The following PCP4 variants were observed in gnomAD, a reference collection of about 807,000 sequenced individuals.
PCP4 encodes the protein calmodulin regulator protein PCP4.
Under a neutral mutation model 10.0 loss-of-function variants are expected in PCP4, and 8 were observed. The ratio of observed to expected loss-of-function variants is 0.80; its 90% CI spans 0.47 to 1.45. The LOEUF (loss-of-function observed/expected upper bound fraction) is 1.45. PCP4 is among the 40% of genes most tolerant of loss of function. The pLI is 0.00. For missense variants in PCP4, 54 were observed against 74.4 expected, an observed-to-expected ratio of 0.73 and a Z score of 1.01; for synonymous variants, 21 against 23.0, an observed-to-expected ratio of 0.91 and a Z score of 0.24.
intron 2 of PCP4, among the ~76,000 whole-genome samples, chr21:39,921,378 G>T (rs994398749): frequency 2.0e-5 from 3 of 152,226 alleles, no homozygotes; most frequent in African/African-American, 7.2e-5. Flanking sequence ...GTGATCTTAA[G>T]CGAGGCCCTT....
At chr21:39,883,121 T>G (rs961726465) in intron 1 of PCP4, among the ~76,000 whole-genome samples, 1 of 12,692 alleles carries the variant, frequency 7.9e-5, no homozygotes, top group Non-Finnish European at 1.4e-4. Context: ...GTGGGTTGGA[T>G]GGACAAGTAT....
intron 1 of PCP4, among the ~76,000 whole-genome samples, chr21:39,894,761 A>G (rs1363860432): frequency 6.6e-6 from 1 of 152,142 alleles, no homozygotes; most frequent in African/African-American, 2.4e-5. Flanking sequence ...AACTATGACT[A>G]CTTCTGTTCA....
At chr21:39,927,322 C>CTATCATCT (rs11400298) in intron 2 of PCP4, among the ~76,000 whole-genome samples, 2 of 129,992 alleles carry the variant, frequency 1.5e-5, no homozygotes, top group South Asian at 2.6e-4. Flanking sequence ...ATCTATCTAT[C>CTATCATCT]ATCTATCTAT....
At chr21:39,871,519 C>A (rs1305454617) in intron 1 of PCP4, among the ~76,000 whole-genome samples, 1 of 152,326 alleles carries the variant, frequency 6.6e-6, no homozygotes, top group East Asian at 1.9e-4. Context: ...GTAATTATAA[C>A]CCCATTTGAG....
intron 2 of PCP4, among the ~76,000 whole-genome samples, chr21:39,927,359 A>ATCTG (rs61487230): frequency 1.6e-5 from 1 of 62,154 alleles, no homozygotes; most frequent in African/African-American, 5.4e-5. Flanking sequence ...CTATCTATCT[A>ATCTG]TCTATCTATC....
intron 2 of PCP4, among the ~76,000 whole-genome samples, chr21:39,917,688 G>A (rs2087575872): frequency 6.6e-6 from 1 of 152,144 alleles, no homozygotes. Context: ...GCTGTCCTTA[G>A]TCAAGCTGTT....
intron 2 of PCP4, among the ~76,000 whole-genome samples, chr21:39,903,822 T>C (rs1192454441): frequency 1.4e-5 from 2 of 145,876 alleles, no homozygotes; most frequent in Non-Finnish European, 3.0e-5. Flanking sequence ...GAGCCGAGAT[T>C]GTGCCACTGC....
chr21:39,922,914 C>G lies in PCP4; in HGVS notation c.62-6070C>G, dbSNP rs1376774806. The stretch of plus-strand genomic sequence containing the variant: ...CCCCCAGGCACACAGGACGTTGAAT[C>G]ATGGGACCATTTTTTTGGAGCTATA... On this transcript the variant is annotated intron_variant, in intron 2 of 2. Transcript: ENST00000328619. 2.0e-5 allele frequency among the ~76,000 whole-genome samples: 3 copies of G among 152,190 alleles called. No individual in the cohort carries two copies. The East Asian group carries it at 5.8e-4, about 29-fold the overall frequency.
At chr21:39,917,005 G>T (rs1392859979) in intron 2 of PCP4, among the ~76,000 whole-genome samples, 4 of 152,140 alleles carry the variant, frequency 2.6e-5, no homozygotes, top group Non-Finnish European at 4.4e-5. Flanking sequence ...TAGGCGATGG[G>T]TTGATCTGTG....
intron 2 of PCP4, among the ~76,000 whole-genome samples, chr21:39,904,961 C>G: frequency 6.6e-6 from 1 of 152,190 alleles, no homozygotes; most frequent in South Asian, 2.1e-4. Context: ...AAGGTTATAA[C>G]TTTCACAGAC....
intron 2 of PCP4, among the ~76,000 whole-genome samples, chr21:39,915,480 G>A (rs1189560476): frequency 6.6e-6 from 1 of 152,150 alleles, no homozygotes; most frequent in Non-Finnish European, 1.5e-5. Context: ...AAAAGAAGCT[G>A]AAACCCCAAG....
intron 1 of PCP4, among the ~76,000 whole-genome samples, chr21:39,872,301 C>T (rs1437068597): frequency 6.6e-6 from 1 of 152,094 alleles, no homozygotes; most frequent in Non-Finnish European, 1.5e-5. Context: ...ACCCAACCTG[C>T]GTTATTTTTT....
rs759553963 is a variant in PCP4 at position 39,929,239 on chromosome 21, A to G, written c.*128A>G. The G allele has an allele frequency of 2.8e-4, 219 of 789,318 alleles. 1 individual carries two copies. The highest frequency in any genetic ancestry group is 4.1e-4 in the Non-Finnish European group (208 of 504,302). The allele number at this position is 789,318 out of a possible 1,614,324, so 48.9% of individuals were successfully genotyped here. ...TCCACACACGCATAGCAAACCTCCA[A>G]TGCATGTACAGAAACCTGTGATATT... is the stretch of plus-strand genomic sequence containing the variant. On this transcript the variant is annotated 3_prime_UTR_variant, in exon 3 of 3. Coordinates refer to ENST00000328619, the MANE Select transcript of PCP4 (RefSeq NM_006198.3).
In PCP4 at chr21:39,903,843, G is replaced by A. The variant is rs889618997; in HGVS notation, c.61+5316G>A. On this transcript the variant is annotated intron_variant, in intron 2 of 2. Coordinates refer to ENST00000328619, the MANE Select transcript of PCP4 (RefSeq NM_006198.3). ...AGATTGTGCCACTGCAATCCGGCCT[G>A]GGCTAAAGAGTGGGACTCCGTCTCA... Among the ~76,000 whole-genome samples, 151 of 145,460 alleles carry A rather than the reference G, an allele frequency of 1.0e-3. 1 individual carries two copies. Among genetic ancestry groups the A allele is most frequent in the African/African-American group, 3.8e-3 (148 of 38,616 alleles).
chr21:39,890,969 C>G (rs982769284), intron 1 of PCP4, among the ~76,000 whole-genome samples: 1 of 152,146 alleles, frequency 6.6e-6, no homozygotes, highest in African/African-American at 2.4e-5. Context: ...TCTGTTCAAG[C>G]CCTGAACTGA....
chr21:39,897,385 CAAAAAAAAA>C (rs34312418), intron 1 of PCP4, among the ~76,000 whole-genome samples: 1 of 87,670 alleles, frequency 1.1e-5, no homozygotes, highest in Non-Finnish European at 2.4e-5. Context: ...GACTCTGTCT[CAAAAAAAAA>C]AAAAAAAAAA....
intron 1 of PCP4, among the ~76,000 whole-genome samples, chr21:39,870,595 C>T (rs762373901): frequency 3.3e-5 from 5 of 152,204 alleles, no homozygotes; most frequent in East Asian, 1.9e-4. Context: ...GTCAGTCCCA[C>T]GTTCTCCTTT....
intron 2 of PCP4, among the ~76,000 whole-genome samples, chr21:39,898,823 G>A (rs542979124): frequency 1.3e-5 from 2 of 152,300 alleles, no homozygotes; most frequent in Non-Finnish European, 2.9e-5. Context: ...GGGTGGGTGA[G>A]AATCATCCAA....
intron 2 of PCP4, among the ~76,000 whole-genome samples, chr21:39,908,586 G>T (rs915129783): frequency 6.6e-6 from 1 of 152,198 alleles, no homozygotes; most frequent in African/African-American, 2.4e-5. Context: ...CTTCCAGAAA[G>T]CTGCTTTCTC....
Sources: gnomAD v4.1 joint callset for allele counts (sites outside exome capture counted in the v4.1 genomes callset) on GRCh38, gnomAD v4.1.1 for gene constraint, MANE v1.5 for transcripts, NCBI Gene and HGNC (gene_info 2026-07-23, HGNC 2026-07-21) for gene names.